IGDCC3: variants seen among roughly 807,000 people sequenced by gnomAD.
IGDCC3 encodes the protein putative neuronal cell adhesion molecule.
IGDCC3 carries 47 observed loss-of-function variants against 72.0 expected under a neutral mutation model. The observed-to-expected ratio is 0.65, with a 90% CI of 0.52 to 0.83. IGDCC3 has a LOEUF of 0.83. IGDCC3 is among the 40% of genes least tolerant of loss of function. The pLI is 0.00. For synonymous variants in IGDCC3, 477 were observed against 472.8 expected (o/e 1.01, Z -0.11); for missense variants, 1,038 against 1,091.3 (o/e 0.95, Z 0.69).
chr15:65,375,291 C>A lies in IGDCC3; in HGVS notation c.215G>T (p.Arg72Leu), dbSNP rs759398176. 1 of 1,614,136 alleles carries A rather than the reference C, an allele frequency of 6.2e-7. No homozygotes were observed. Among genetic ancestry groups the A allele is most frequent in the Non-Finnish European group, 8.5e-7 (1 of 1,180,030 alleles). ...DCRVEGTPPVRITWRKNGVEL... is the reference protein window; with the variant it reads ...DCRVEGTPPVLITWRKNGVEL... ...TACCCCATTCTTCCTCCAGGTGATT[C>A]GCACTGGAGGGGTCCCCTCCACCCT... The change falls in exon 2 of 14, where the codon CGA (arginine) becomes CTA (leucine). Residue 72 changes from arginine to leucine, a missense_variant. Arg to Leu is a moderately radical substitution (Grantham distance 102, BLOSUM62 -2). Coordinates refer to ENST00000327987, the MANE Select transcript of IGDCC3 (RefSeq NM_004884.4).
chr15:65,347,935 T>G (rs2091139029), intron 2 of IGDCC3, among the ~76,000 whole-genome samples: 1 of 137,360 alleles, frequency 7.3e-6, no homozygotes, highest in African/African-American at 2.7e-5. Flanking sequence ...AAATTTCATC[T>G]CAAACAACAA....
chr15:65,366,574 T>C (rs2091289111), intron 2 of IGDCC3, among the ~76,000 whole-genome samples: 1 of 151,954 alleles, frequency 6.6e-6, no homozygotes, highest in Admixed American at 6.6e-5. Context: ...CCAAGGAGCA[T>C]GGACATCAAG....
chr15:65,356,953 G>C (rs1595761371), intron 2 of IGDCC3, among the ~76,000 whole-genome samples: 1 of 148,124 alleles, frequency 6.8e-6, no homozygotes, highest in African/African-American at 2.5e-5. Flanking sequence ...GGATTCAAGC[G>C]ATTCCCTTGC....
chr15:65,331,311 C>A, intron 8 of IGDCC3, 97 bp from the exon 9 acceptor site: 1 of 1,564,910 alleles, frequency 6.4e-7, no homozygotes, highest in South Asian at 1.2e-5. Context: ...GGGGGGACAG[C>A]GGGGAGAAGG....
Position 65,331,517 on chromosome 15 carries a change from G to A in IGDCC3, c.1291C>T (p.Arg431Trp), listed in dbSNP as rs766994812. ...TCAGTGGAAGACACAGAGACTGCCC[G>A]CACATTGCGGGGAGGCCCGGGGAGC... The part of the protein sequence containing the change: ...EGLPGPPRNV[R>W]AVSVSSTEVR... Residue 431 changes from arginine (R) to tryptophan (W), a missense_variant, in exon 8 of 14, where the codon CGG becomes TGG. Physicochemically the swap from Arg to Trp is moderately radical, Grantham distance 101 (BLOSUM62 -3). Coordinates refer to ENST00000327987, the MANE Select transcript of IGDCC3 (RefSeq NM_004884.4). 3.4e-5 allele frequency: 55 copies of A among 1,613,702 alleles called. No homozygotes were observed. The highest frequency in any genetic ancestry group is 4.5e-5 in the Non-Finnish European group (53 of 1,179,994).
intron 2 of IGDCC3, among the ~76,000 whole-genome samples, chr15:65,343,764 C>T (rs1041395529): frequency 1.3e-5 from 2 of 152,188 alleles, no homozygotes; most frequent in Non-Finnish European, 2.9e-5. Context: ...GCAAGGAGGC[C>T]AGCCATGTCA....
intron 3 of IGDCC3, 97 bp downstream of exon 3, chr15:65,335,715 C>T: frequency 7.1e-7 from 1 of 1,408,104 alleles, no homozygotes; most frequent in African/African-American, 1.4e-5. Flanking sequence ...CTGTGGGCAC[C>T]AACTGCAGCT....
chr15:65,346,333 T>A (rs1056915717), intron 2 of IGDCC3, among the ~76,000 whole-genome samples: 2 of 152,234 alleles, frequency 1.3e-5, no homozygotes, highest in Non-Finnish European at 2.9e-5. Context: ...GGTCTATGCC[T>A]GTAGTCTAGC....
intron 2 of IGDCC3, among the ~76,000 whole-genome samples, chr15:65,343,344 T>C (rs1206445483): frequency 6.0e-5 from 9 of 150,452 alleles, no homozygotes; most frequent in Admixed American, 5.3e-4. Context: ...GAGTGCATGG[T>C]GGAGCTCAAG....
At chr15:65,363,853 A>C (rs2091275243) in intron 2 of IGDCC3, among the ~76,000 whole-genome samples, 1 of 152,202 alleles carries the variant, frequency 6.6e-6, no homozygotes, top group Non-Finnish European at 1.5e-5. Flanking sequence ...CTCAGGAAGA[A>C]GCAACTCCCA....
chr15:65,363,309 C>CA (rs1336216725), intron 2 of IGDCC3, among the ~76,000 whole-genome samples: 1 of 152,166 alleles, frequency 6.6e-6, no homozygotes, highest in Non-Finnish European at 1.5e-5. Flanking sequence ...GATGAGCCCC[C>CA]AAAACCAAGG....
intron 7 of IGDCC3, 47 bp downstream of exon 7, chr15:65,331,894 T>G (rs766779559): frequency 1.9e-6 from 3 of 1,580,008 alleles, no homozygotes; most frequent in Non-Finnish European, 2.6e-6. Flanking sequence ...GGCCCCGCTT[T>G]CCCTGCTCTC....
intron 2 of IGDCC3, among the ~76,000 whole-genome samples, chr15:65,369,269 C>T (rs1397001782): frequency 2.0e-5 from 3 of 152,202 alleles, no homozygotes; most frequent in Middle Eastern, 3.4e-3. Flanking sequence ...GCCTTCGTAC[C>T]CCAGAGCAGA....
chr15:65,347,901 A>G (rs987149454), intron 2 of IGDCC3, among the ~76,000 whole-genome samples: 11 of 152,074 alleles, frequency 7.2e-5, no homozygotes, highest in African/African-American at 2.7e-4. Context: ...ACGCCATTGC[A>G]CTCCAGCCTG....
At chr15:65,372,087 A>C (rs1450800058) in intron 2 of IGDCC3, among the ~76,000 whole-genome samples, 2 of 152,194 alleles carry the variant, frequency 1.3e-5, no homozygotes, top group Non-Finnish European at 2.9e-5. Context: ...ATTAACCTCC[A>C]TGGGCAGCCA....
chr15:65,343,140 A>G lies in IGDCC3; in HGVS notation c.410-7184T>C, dbSNP rs377051617. Among the ~76,000 whole-genome samples, 45 of 152,260 alleles carry G rather than the reference A, an allele frequency of 3.0e-4. No homozygotes were observed. The East Asian group carries it at 6.9e-3, about 24-fold the overall frequency. ...CTGCAATAGGGGGATTCAATGAGCTATGTTCGTAAACTGCTTAGCGCAGGC... is the reference window on the plus strand; with the variant it reads ...CTGCAATAGGGGGATTCAATGAGCTGTGTTCGTAAACTGCTTAGCGCAGGC... On this transcript the variant is annotated intron_variant, in intron 2 of 13. Transcript: ENST00000327987.
chr15:65,356,120 G>A (rs988184146), intron 2 of IGDCC3: 3 of 207,258 alleles, frequency 1.4e-5, no homozygotes, highest in Non-Finnish European at 3.0e-5. Flanking sequence ...AACGGGCACG[G>A]CTCTGCATTC....
chr15:65,333,267 C>T lies in IGDCC3; in HGVS notation c.972G>A (p.Leu324=), dbSNP rs2090995478. 8 of 1,606,330 alleles carry T rather than the reference C, an allele frequency of 5.0e-6. No homozygotes were observed. Among genetic ancestry groups the T allele is most frequent in the Non-Finnish European group, 6.8e-6 (8 of 1,176,616 alleles). Residue 324 remains leucine, a synonymous_variant, in exon 6 of 14, where the codon CTG becomes CTA. Coordinates refer to ENST00000327987, the MANE Select transcript of IGDCC3 (RefSeq NM_004884.4). The part of the protein sequence containing the change: ...TRVRRTAQGR[L]VVQAPAEFVQ... ...TTGGCTGATCCATACCTTGCACCAC[C>T]AGCCGGCCCTGTGCCGTTCTCCTCA...
rs773268840 is a variant in IGDCC3, at chr15:65,335,432, G to A, written c.555-11C>T. On this transcript the variant is annotated splice_polypyrimidine_tract_variant and intron_variant, in intron 3 of 13. Transcript: ENST00000327987. The stretch of plus-strand genomic sequence containing the variant: ...GGCAGCAATGTGTACCTGTTGAGGG[G>A]AGGGACATAGTTGGCCACCAGCACA... 1.9e-6 allele frequency: 3 copies of A among 1,600,166 alleles called. No individual in the cohort carries two copies. Among genetic ancestry groups the A allele is most frequent in the South Asian group, 2.3e-5 (2 of 88,772 alleles).
Sources: gnomAD v4.1 joint callset for allele counts (sites outside exome capture counted in the v4.1 genomes callset) on GRCh38, gnomAD v4.1.1 for gene constraint, MANE v1.5 for transcripts, NCBI Gene and HGNC (gene_info 2026-07-23, HGNC 2026-07-21) for gene names.